Variants in HACE1 observed in about 807,000 individuals in gnomAD.
HACE1 encodes the protein E3 ubiquitin-protein ligase HACE1.
Under a neutral mutation model 118.4 loss-of-function variants are expected in HACE1, and 73 were observed. The ratio of observed to expected loss-of-function variants is 0.62; its 90% CI spans 0.51 to 0.75. The LOEUF (loss-of-function observed/expected upper bound fraction) is 0.75. Among genes scored for constraint, HACE1 ranks in the 30% least tolerant of loss-of-function variants. The probability of loss-of-function intolerance (pLI) is 0.00; values close to 1 mark genes in which losing one functional copy is unlikely to be tolerated. For missense variants in HACE1, 749 were observed against 1,102.2 expected (o/e 0.68, Z 4.54); for synonymous variants, 368 against 374.8 (o/e 0.98, Z 0.21).
At chr6:104,804,194 A>C (rs1208698037) in intron 7 of HACE1, among the ~76,000 whole-genome samples, 1 of 152,216 alleles carries the variant, frequency 6.6e-6, no homozygotes, top group Non-Finnish European at 1.5e-5. Context: ...ACTACAAACC[A>C]CTGCTCAACC....
At position 104,803,166 on chromosome 6, in the gene HACE1, C is replaced by T. The variant is rs573107953; in HGVS notation, c.618-6141G>A. Among the ~76,000 whole-genome samples the T allele has an allele frequency of 4.1e-3, 629 of 152,244 alleles. 3 individuals carry two copies. The highest frequency in any genetic ancestry group is 0.014 in the African/African-American group (587 of 41,548). On this transcript the variant is annotated intron_variant, in intron 7 of 23. Transcript: ENST00000262903. The stretch of plus-strand genomic sequence containing the variant: ...GGAAGAAGTTGAATCTCTGAACACA[C>T]CAATAATAGGCTCTGAAATTGAGGC...
chr6:104,832,170 G>T (rs1466335671), intron 6 of HACE1, among the ~76,000 whole-genome samples: 2 of 152,068 alleles, frequency 1.3e-5, no homozygotes, highest in Non-Finnish European at 2.9e-5. Flanking sequence ...CTCCAAAATT[G>T]AGGCTTAACA....
intron 6 of HACE1, among the ~76,000 whole-genome samples, chr6:104,822,836 C>T (rs1463538269): frequency 6.6e-6 from 1 of 151,730 alleles, no homozygotes; most frequent in Non-Finnish European, 1.5e-5. Flanking sequence ...CAGCCTGTAC[C>T]GTGTCTCCAA....
chr6:104,756,446 T>TATAC lies in HACE1; in HGVS notation c.2212-5975_2212-5974insGTAT, dbSNP rs1554225546. Among the ~76,000 whole-genome samples the TATAC allele has an allele frequency of 4.6e-3, 651 of 140,428 alleles. 8 individuals are homozygous for TATAC. Among genetic ancestry groups the TATAC allele is most frequent in the African/African-American group, 0.017 (620 of 36,916 alleles). The allele number at this position is 140,428 out of a possible 152,430, so 92.1% of individuals were successfully genotyped here. On this transcript the variant is annotated intron_variant, in intron 19 of 23. Transcript: ENST00000262903. ...AAAAAAATATATATATATATATATATACACACACACACACACTTATTATTA... is the reference window on the plus strand; with the variant it reads ...AAAAAAATATATATATATATATATATATACACACACACACACACACTTATTATTA...
chr6:104,849,383 C>A (rs1239537879), intron 3 of HACE1, 137 bp from the exon 4 acceptor site: 20 of 696,042 alleles, frequency 2.9e-5, no homozygotes, highest in African/African-American at 5.3e-5. Context: ...GTCGCCCATG[C>A]TGGAGTGCAG....
At chr6:104,762,595 T>C (rs1267073492) in intron 19 of HACE1, among the ~76,000 whole-genome samples, 2 of 152,124 alleles carry the variant, frequency 1.3e-5, no homozygotes, top group Admixed American at 1.3e-4. Context: ...AAATACCTAA[T>C]GTAGCTGACG....
At chr6:104,769,067 C>T (rs1780341928) in intron 19 of HACE1, among the ~76,000 whole-genome samples, 1 of 152,104 alleles carries the variant, frequency 6.6e-6, no homozygotes, top group South Asian at 2.1e-4. Context: ...TAGGATCTTG[C>T]TCTGTCACTC....
rs1774856819 is a variant in HACE1 at position 104,728,255 on chromosome 6, C to T, written c.*1407G>A. On this transcript the variant is annotated 3_prime_UTR_variant, in exon 24 of 24. Coordinates refer to ENST00000262903, the MANE Select transcript of HACE1 (RefSeq NM_020771.4). Reference sequence around the variant, plus strand: ...TTAAAGGTGGTTATCTATTTGAAAACTCAGAAGGCAGTGACTTCTACAATT... The same window carrying T: ...TTAAAGGTGGTTATCTATTTGAAAATTCAGAAGGCAGTGACTTCTACAATT... 6.6e-6 allele frequency: 1 copy of T among 152,088 alleles called. No individual in the cohort carries two copies. The allele number at this position is 152,088 out of a possible 1,614,324, so 9.4% of individuals were successfully genotyped here.
chr6:104,795,149 G>T (rs1783478704), intron 10 of HACE1, among the ~76,000 whole-genome samples: 1 of 152,000 alleles, frequency 6.6e-6, no homozygotes, highest in Non-Finnish European at 1.5e-5. Flanking sequence ...AAATAATAAA[G>T]AACTTAACTG....
intron 22 of HACE1, among the ~76,000 whole-genome samples, chr6:104,740,421 C>T (rs987035920): frequency 6.6e-6 from 1 of 151,380 alleles, no homozygotes; most frequent in African/African-American, 2.4e-5. Flanking sequence ...AGACCGCTAG[C>T]AAGACTAAAA....
intron 22 of HACE1, among the ~76,000 whole-genome samples, chr6:104,738,569 C>G (rs148201992): frequency 1.3e-5 from 2 of 148,176 alleles, no homozygotes; most frequent in Non-Finnish European, 3.0e-5. Flanking sequence ...AGGGTATCAG[C>G]GATGGAAGAT....
intron 19 of HACE1, among the ~76,000 whole-genome samples, chr6:104,762,027 A>G (rs1429618145): frequency 6.6e-6 from 1 of 152,224 alleles, no homozygotes; most frequent in Non-Finnish European, 1.5e-5. Flanking sequence ...TAGAATGGCG[A>G]TCATTAAAAA....
At chr6:104,789,439 TAAG>T (rs1458914005) in intron 11 of HACE1, among the ~76,000 whole-genome samples, 1 of 151,864 alleles carries the variant, frequency 6.6e-6, no homozygotes, top group East Asian at 1.9e-4. Context: ...ATTCTTGAAA[TAAG>T]AAAGTATTTA....
chr6:104,857,089 T>C (rs567297176), intron 1 of HACE1, among the ~76,000 whole-genome samples: 1 of 151,032 alleles, frequency 6.6e-6, no homozygotes, highest in South Asian at 2.1e-4. Flanking sequence ...GATCTCAGAG[T>C]TTCCATTCAG....
chr6:104,798,964 T>C (rs992014229), intron 7 of HACE1, among the ~76,000 whole-genome samples: 2 of 152,236 alleles, frequency 1.3e-5, no homozygotes, highest in East Asian at 3.8e-4. Context: ...GCACCAAGCA[T>C]GGCAGTTGTC....
intron 6 of HACE1, among the ~76,000 whole-genome samples, chr6:104,821,287 A>C (rs1398065553): frequency 6.6e-6 from 1 of 152,158 alleles, no homozygotes; most frequent in Non-Finnish European, 1.5e-5. Context: ...GCCCCGTGAC[A>C]CAAGTTTACC....
intron 5 of HACE1, among the ~76,000 whole-genome samples, chr6:104,834,388 C>T (rs2486135): frequency 0.44 from 66,377 of 151,996 alleles, 16,094 homozygotes; most frequent in East Asian, 0.58. Flanking sequence ...ATGTATCTTA[C>T]ATAAATAAAG....
At chr6:104,806,192 T>C (rs1026399511) in intron 7 of HACE1, among the ~76,000 whole-genome samples, 1 of 152,220 alleles carries the variant, frequency 6.6e-6, no homozygotes, top group Non-Finnish European at 1.5e-5. Context: ...CCAGGTGTCG[T>C]GGCTCACATC....
At chr6:104,746,489 T>C (rs920276431) in intron 20 of HACE1, among the ~76,000 whole-genome samples, 1 of 152,192 alleles carries the variant, frequency 6.6e-6, no homozygotes, top group African/African-American at 2.4e-5. Context: ...GAGGTGAGGG[T>C]ACTCTCTGCT....
Sources: allele counts gnomAD v4.1 joint callset (sites outside exome capture counted in the v4.1 genomes callset), GRCh38; gene constraint gnomAD v4.1.1; transcripts MANE v1.5; gene names NCBI Gene and HGNC (gene_info 2026-07-23, HGNC 2026-07-21).